Variants in FOXRED2 observed in about 807,000 individuals in gnomAD.
FOXRED2 encodes FAD-dependent oxidoreductase domain-containing protein 2.
FOXRED2 carries 32 observed loss-of-function variants against 52.5 expected under a neutral mutation model. That is an observed-to-expected ratio of 0.61 (90% CI 0.46 to 0.82). The LOEUF is 0.82. Ranked by LOEUF, FOXRED2 falls within the 40% of genes least tolerant of loss-of-function variation. The probability of loss-of-function intolerance (pLI) is 0.00; values close to 1 mark genes in which losing one functional copy is unlikely to be tolerated. For missense variants in FOXRED2, 848 were observed against 937.5 expected (o/e 0.90, Z 1.25); for synonymous variants, 405 against 398.1 (o/e 1.02, Z -0.21).
At chr22:36,505,400 T>C (rs1934164112) in intron 2 of FOXRED2, among the ~76,000 whole-genome samples, 1 of 152,182 alleles carries the variant, frequency 6.6e-6, no homozygotes, top group Non-Finnish European at 1.5e-5. Flanking sequence ...AGGATCGCCA[T>C]CCAGGGGAGG....
In FOXRED2 at chr22:36,498,131, C is replaced by T. The variant is rs148487076; in HGVS notation, c.1242G>A (p.Glu414=). 16 of 1,611,692 alleles carry T rather than the reference C, an allele frequency of 9.9e-6. No individual in the cohort carries two copies. The African/African-American group carries it at 1.6e-4, about 16-fold the overall frequency. ...YTVRAVHRLL[E]HRHHSVTWPA... ...GCCAGGTGACGCTGTGGTGGCGGTGCTCCAGGAGCCGGTGAACAGCACGCA... is the reference window on the plus strand; with the variant it reads ...GCCAGGTGACGCTGTGGTGGCGGTGTTCCAGGAGCCGGTGAACAGCACGCA... Residue 414 remains glutamate, a synonymous_variant, in exon 6 of 9, where the codon GAG becomes GAA. Transcript: ENST00000397224.
rs572010443 is a variant in FOXRED2 at position 36,496,007 on chromosome 22, A to C, written c.1584T>G (p.Phe528Leu). ...TATAGTAGTAGATGACAGGATGAAG[A>C]AAGTTAGACTGCCAGGCATCTTCTG... ...GHTEDAWQSN[F>L]LHPVIYYYRY... Residue 528 changes from phenylalanine (F) to leucine (L), a missense_variant, in exon 7 of 9, where the codon TTT becomes TTG. Phe to Leu is a conservative substitution (Grantham distance 22, BLOSUM62 0). Coordinates refer to ENST00000397224, the MANE Select transcript of FOXRED2 (RefSeq NM_001102371.2). 1 of 1,614,094 alleles carries C rather than the reference A, an allele frequency of 6.2e-7. No homozygotes were observed. Among genetic ancestry groups the C allele is most frequent in the African/African-American group, 1.3e-5 (1 of 74,930 alleles).
rs755555284 is a variant in FOXRED2 at position 36,493,654 on chromosome 22, C to T, written c.1774G>A (p.Asp592Asn). 5.0e-6 allele frequency: 8 copies of T among 1,614,102 alleles called. No individual in the cohort carries two copies. The highest frequency in any genetic ancestry group is 3.3e-5 in the Admixed American group (2 of 59,998). Residue 592 changes from aspartate (D) to asparagine (N), a missense_variant, in exon 8 of 9, where the codon GAT (aspartate) becomes AAT (asparagine). Transcript: ENST00000397224. ...RRFLENCLDT[D>N]LRSFYAESCF... Reference sequence around the variant, plus strand: ...TTACCTGCATAGAAGCTTCGCAAATCGGTGTCCAAACAGTTCTCCAGGAAG... The same window carrying T: ...TTACCTGCATAGAAGCTTCGCAAATTGGTGTCCAAACAGTTCTCCAGGAAG...
intron 4 of FOXRED2, 61 bp downstream of exon 4, chr22:36,504,037 C>T: frequency 6.4e-7 from 1 of 1,562,120 alleles, no homozygotes; most frequent in South Asian, 1.2e-5. Flanking sequence ...CACCCTGTTC[C>T]CCTAGGGAGG....
chr22:36,500,086 C>T (rs1291163541), intron 5 of FOXRED2, among the ~76,000 whole-genome samples: 1 of 152,150 alleles, frequency 6.6e-6, no homozygotes, highest in African/African-American at 2.4e-5. Flanking sequence ...CAGGTGTGAC[C>T]CACCGTGCCT....
In FOXRED2 at chr22:36,489,117, G is replaced by A. The variant is rs763396510; in HGVS notation, c.*891C>T. The A allele has an allele frequency of 2.6e-5, 4 of 152,366 alleles. No homozygotes were observed. The highest frequency in any genetic ancestry group is 2.4e-5 in the African/African-American group (1 of 41,556). The allele number at this position is 152,366 out of a possible 1,614,324, so 9.4% of individuals were successfully genotyped here. ...GGTGAGCACATATGGGTGCCAGCCC[G>A]AGACAGCAGGATAAGTTTCACAAAA... On this transcript the variant is annotated 3_prime_UTR_variant, in exon 9 of 9. Transcript: ENST00000397224.
chr22:36,491,270 A>G (rs1241053605), intron 8 of FOXRED2, among the ~76,000 whole-genome samples: 3 of 152,250 alleles, frequency 2.0e-5, no homozygotes, highest in Non-Finnish European at 4.4e-5. Context: ...CGTGGGAATG[A>G]GAATGAAGGT....
chr22:36,497,517 C>G (rs543725973), intron 6 of FOXRED2, among the ~76,000 whole-genome samples: 7 of 152,276 alleles, frequency 4.6e-5, no homozygotes, highest in Admixed American at 2.0e-4. Context: ...TGTCTCCCCC[C>G]GCCCCTCACC....
intron 8 of FOXRED2, among the ~76,000 whole-genome samples, chr22:36,492,543 C>T (rs1001457627): frequency 6.6e-6 from 1 of 152,174 alleles, no homozygotes; most frequent in African/African-American, 2.4e-5. Context: ...GATGGAGTCT[C>T]GCTCTGTTGC....
At position 36,501,249 on chromosome 22, in the gene FOXRED2, C is replaced by T. The variant is rs371086793; in HGVS notation, c.1208G>A (p.Arg403Gln). 1.5e-5 allele frequency: 24 copies of T among 1,613,828 alleles called. No individual in the cohort carries two copies. The African/African-American group carries it at 1.9e-4, about 13-fold the overall frequency. Residue 403 changes from arginine (R) to glutamine (Q), a missense_variant, in exon 5 of 9, where the codon CGA (arginine) becomes CAA (glutamine). Coordinates refer to ENST00000397224, the MANE Select transcript of FOXRED2 (RefSeq NM_001102371.2). ...KSAGGFIHGF[R>Q]YTVRAVHRLL... ...TTCTCAGCTGGGCTCACCTGTGTAT[C>T]GGAATCCGTGGATGAAGCCCCCAGC...
chr22:36,505,858 T>C (rs376583297), intron 2 of FOXRED2, 38 bp downstream of exon 2: 1 of 1,594,154 alleles, frequency 6.3e-7, no homozygotes, highest in Non-Finnish European at 8.6e-7. Flanking sequence ...GTGGGGAAGG[T>C]CCCAGCTTCC....
At chr22:36,493,132 T>A (rs973611539) in intron 8 of FOXRED2, among the ~76,000 whole-genome samples, 8 of 152,212 alleles carry the variant, frequency 5.3e-5, no homozygotes, top group Non-Finnish European at 1.0e-4. Flanking sequence ...CGCCTGGCCC[T>A]GCTAATCCTT....
At position 36,489,741 on chromosome 22, in the gene FOXRED2, C is replaced by T; in HGVS notation, c.*267G>A. 5.0e-6 allele frequency: 2 copies of T among 400,442 alleles called. No individual in the cohort carries two copies. The highest frequency in any genetic ancestry group is 9.0e-6 in the Non-Finnish European group (2 of 221,430). 24.8% of individuals were successfully genotyped at this position (400,442 alleles called of 1,614,324 possible). A position where few individuals can be genotyped will look rare whatever the true frequency, so the allele number is the denominator to read the frequency against. On this transcript the variant is annotated 3_prime_UTR_variant, in exon 9 of 9. Coordinates refer to ENST00000397224, the MANE Select transcript of FOXRED2 (RefSeq NM_001102371.2). ...CTGGCCTGGGGCTCAGCGACAGCTC[C>T]ATTGCAGACAAACTGGGCTGGGGAA...
chr22:36,505,869 G>A, intron 2 of FOXRED2, 27 bp downstream of exon 2: 4 of 1,597,068 alleles, frequency 2.5e-6, no homozygotes, highest in Middle Eastern at 1.7e-4. Context: ...CCCAGCTTCC[G>A]CAGGTGAGCT....
At chr22:36,496,823 T>G (rs1358325696) in intron 6 of FOXRED2, among the ~76,000 whole-genome samples, 1 of 152,166 alleles carries the variant, frequency 6.6e-6, no homozygotes, top group African/African-American at 2.4e-5. Flanking sequence ...GAGAGCTGGT[T>G]GGGCTCCAGA....
chr22:36,492,737 C>T (rs1442979171), intron 8 of FOXRED2, among the ~76,000 whole-genome samples: 22 of 152,154 alleles, frequency 1.4e-4, no homozygotes, highest in Admixed American at 1.1e-3. Context: ...GGGCTGGTCT[C>T]GAACTCCTGA....
intron 4 of FOXRED2, 29 bp downstream of exon 4, chr22:36,504,069 G>C (rs757452091): frequency 6.2e-7 from 1 of 1,603,234 alleles, no homozygotes; most frequent in Non-Finnish European, 8.5e-7. Flanking sequence ...TTTGCTAGGA[G>C]AGCCCACCTC....
intron 5 of FOXRED2, among the ~76,000 whole-genome samples, chr22:36,499,452 C>A (rs1008078898): frequency 2.6e-5 from 4 of 151,848 alleles, no homozygotes; most frequent in Non-Finnish European, 5.9e-5. Flanking sequence ...CTTGTCTCTA[C>A]CACACAAAAA....
intron 6 of FOXRED2, 66 bp from the exon 7 acceptor site, chr22:36,496,274 G>T (rs1468052379): frequency 1.3e-6 from 2 of 1,596,068 alleles, no homozygotes; most frequent in African/African-American, 1.3e-5. Flanking sequence ...GCAGCCCGGG[G>T]GTGAGCATGT....
Sources: gnomAD v4.1 joint callset for allele counts (sites outside exome capture counted in the v4.1 genomes callset) on GRCh38, gnomAD v4.1.1 for gene constraint, MANE v1.5 for transcripts, NCBI Gene and HGNC (gene_info 2026-07-23, HGNC 2026-07-21) for gene names.